Variants in DPYSL5 observed in about 807,000 individuals in gnomAD.
DPYSL5 encodes the protein dihydropyrimidinase like 5.
A neutral mutation model predicts 58.4 loss-of-function variants in DPYSL5; 9 were observed. The observed-to-expected ratio is 0.15, with a 90% confidence interval of 0.09 to 0.27. The LOEUF (loss-of-function observed/expected upper bound fraction) is 0.27, where lower values mean the gene tolerates loss of function less well. Ranked by LOEUF, DPYSL5 falls within the 10% of genes least tolerant of loss-of-function variation. The pLI, the probability that DPYSL5 is intolerant of heterozygous loss-of-function variation, is 1.00. For missense variants in DPYSL5, 499 were observed against 770.6 expected, an observed-to-expected ratio of 0.65 and a Z score of 4.17; for synonymous variants, 293 against 301.9, an observed-to-expected ratio of 0.97 and a Z score of 0.31.
At position 26,944,582 on chromosome 2, in the gene DPYSL5, G is replaced by A. The variant is rs1463685441; in HGVS notation, c.1441-74G>A. 2.7e-6 allele frequency: 4 copies of A among 1,504,530 alleles called. No individual in the cohort carries two copies. The East Asian group carries it at 9.1e-5, about 34-fold the overall frequency. The allele number at this position is 1,504,530 out of a possible 1,614,324, so 93.2% of individuals were successfully genotyped here. A position where few individuals can be genotyped will look rare whatever the true frequency, so the allele number is the denominator to read the frequency against. ...GTGTCTAATGTCCCACCGGCCCCCA[G>A]GGAGGCCATGGTTGTATCACTCAGC... On this transcript the variant is annotated intron_variant, in intron 11 of 12. Coordinates refer to ENST00000288699, the MANE Select transcript of DPYSL5 (RefSeq NM_020134.4). This position sits in a 1 kb window ranked among gnomAD's most constrained non-coding sequence, Gnocchi z 4.4.
chr2:26,881,209 C>T (rs1663553451), intron 1 of DPYSL5, among the ~76,000 whole-genome samples: 1 of 152,164 alleles, frequency 6.6e-6, no homozygotes. Context: ...GTGCCCGTCT[C>T]ATCCTCACTC....
At chr2:26,931,423 C>G (rs1285313051) in intron 5 of DPYSL5, among the ~76,000 whole-genome samples, 1 of 151,552 alleles carries the variant, frequency 6.6e-6, no homozygotes, top group East Asian at 1.9e-4. Context: ...TTTAATTAAG[C>G]CCCAAGTAGC....
Position 26,931,201 on chromosome 2 carries a change from GTGTATATATATATATATATATATA to G in DPYSL5, c.670-437_670-414del, listed in dbSNP as rs1461943825. Among the ~76,000 whole-genome samples the G allele has an allele frequency of 8.9e-3, 484 of 54,508 alleles. 7 individuals are homozygous for G. Among genetic ancestry groups the G allele is most frequent in the African/African-American group, 0.027 (422 of 15,582 alleles). 35.8% of individuals were successfully genotyped at this position (54,508 alleles called of 152,430 possible). A position where few individuals can be genotyped will look rare whatever the true frequency, so the allele number is the denominator to read the frequency against. On this transcript the variant is annotated intron_variant, in intron 5 of 12. Transcript: ENST00000288699. ...TGTGTGTGTGTGTGTGTGTGTGTGT[GTGTATATATATATATATATATATA>G]TATATGAATTATACAACTCAAATGC...
At chr2:26,946,169 A>T (rs1441862493) in intron 12 of DPYSL5, among the ~76,000 whole-genome samples, 1 of 152,058 alleles carries the variant, frequency 6.6e-6, no homozygotes, top group Admixed American at 6.5e-5. Flanking sequence ...CTGCAGCCAG[A>T]CCCACGAGAG....
In DPYSL5 at chr2:26,939,662, G is replaced by A. The variant is rs555545561; in HGVS notation, c.948-369G>A. 7 of 188,478 alleles carry A rather than the reference G, an allele frequency of 3.7e-5. No homozygotes were observed. The South Asian group carries it at 8.4e-4, about 23-fold the overall frequency. The allele number at this position is 188,478 out of a possible 1,614,324, so 11.7% of individuals were successfully genotyped here. On this transcript the variant is annotated intron_variant, in intron 8 of 12. Coordinates refer to ENST00000288699, the MANE Select transcript of DPYSL5 (RefSeq NM_020134.4). ...TGCTTGTTGCCAGCAGGTTGGGGTT[G>A]GAGAGCTGATGAGAGGGAATTGGTA...
intron 8 of DPYSL5, among the ~76,000 whole-genome samples, chr2:26,935,075 T>C (rs1302099236): frequency 6.6e-6 from 1 of 152,170 alleles, no homozygotes; most frequent in Non-Finnish European, 1.5e-5. Context: ...GTAGGGGTCC[T>C]TTCTGTTTCT....
At chr2:26,904,809 G>A (rs1664248508) in intron 2 of DPYSL5, among the ~76,000 whole-genome samples, 1 of 152,192 alleles carries the variant, frequency 6.6e-6, no homozygotes. Flanking sequence ...AGGCTGAGTG[G>A]GGAGGATCAT....
intron 2 of DPYSL5, among the ~76,000 whole-genome samples, chr2:26,912,011 GC>G (rs1664451696): frequency 6.6e-6 from 1 of 152,252 alleles, no homozygotes; most frequent in African/African-American, 2.4e-5. Context: ...CCGAGCTGGT[GC>G]GTGGCAGCAC....
Position 26,944,545 on chromosome 2 carries a change from G to C in DPYSL5, c.1441-111G>C. 4 of 1,262,272 alleles carry C rather than the reference G, an allele frequency of 3.2e-6. No individual in the cohort carries two copies. The highest frequency in any genetic ancestry group is 3.3e-6 in the Non-Finnish European group (3 of 906,500). 78.2% of individuals were successfully genotyped at this position (1,262,272 alleles called of 1,614,324 possible). ...GTCACTTGCAGTGATTTGGGTCTTG[G>C]GCAGAGTGGCAGTGTCTAATGTCCC... On this transcript the variant is annotated intron_variant, in intron 11 of 12. Transcript: ENST00000288699. This position sits in a 1 kb window ranked among gnomAD's most constrained non-coding sequence, Gnocchi z 4.4.
chr2:26,876,961 C>CTTTTTT (rs10707678), intron 1 of DPYSL5, among the ~76,000 whole-genome samples: 1 of 112,268 alleles, frequency 8.9e-6, no homozygotes. Flanking sequence ...TCCACAGCCA[C>CTTTTTT]TTTTTTTTTT....
intron 1 of DPYSL5, among the ~76,000 whole-genome samples, chr2:26,879,374 A>G (rs1350040130): frequency 1.3e-5 from 2 of 149,522 alleles, no homozygotes; most frequent in Admixed American, 6.8e-5. Flanking sequence ...TAATCCCAGC[A>G]CTTTGGGAGC....
chr2:26,929,289 A>G (rs1054901158), intron 5 of DPYSL5, among the ~76,000 whole-genome samples: 2 of 152,000 alleles, frequency 1.3e-5, no homozygotes, highest in Admixed American at 6.5e-5. Flanking sequence ...CTGTAGTGCA[A>G]TGGCGCAATC....
chr2:26,913,216 C>T (rs765782954), intron 2 of DPYSL5, among the ~76,000 whole-genome samples: 2 of 152,216 alleles, frequency 1.3e-5, no homozygotes, highest in Non-Finnish European at 2.9e-5. Flanking sequence ...CACTGGCTCT[C>T]TATTGATGAG....
chr2:26,888,255 T>TTCTTTCTTTCTG (rs796227927), intron 1 of DPYSL5, among the ~76,000 whole-genome samples: 4,584 of 107,734 alleles, frequency 0.043, 226 homozygotes, highest in African/African-American at 0.086. Flanking sequence ...CTTTCTTTCT[T>TTCTTTCTTTCTG]TCTTTCTTTC....
intron 1 of DPYSL5, among the ~76,000 whole-genome samples, chr2:26,887,381 C>T (rs558226841): frequency 4.1e-4 from 63 of 152,344 alleles, no homozygotes; most frequent in Non-Finnish European, 5.9e-5. Flanking sequence ...GAGTTGTTGG[C>T]AGGGGCAGCC....
intron 6 of DPYSL5, among the ~76,000 whole-genome samples, chr2:26,932,199 G>GA (rs763962759): frequency 8.0e-5 from 6 of 75,312 alleles, no homozygotes; most frequent in Non-Finnish European, 1.5e-4. Context: ...AAGAAAGAAA[G>GA]AAAGAAAGAA....
Position 26,898,655 on chromosome 2 carries a change from T to C in DPYSL5, c.156T>C (p.Asp52=). ...TCCCTGGCGGGGCCAAGGTGATTGA[T>C]GCCACAGGAAAACTGGTGATCCCTG... The part of the protein sequence containing the change: ...LMIPGGAKVI[D]ATGKLVIPGG... The change falls in exon 2 of 13, where the codon GAT becomes GAC. Residue 52 remains aspartate, a synonymous_variant. Coordinates refer to ENST00000288699, the MANE Select transcript of DPYSL5 (RefSeq NM_020134.4). This position sits in a 1 kb window ranked among gnomAD's most constrained non-coding sequence, Gnocchi z 6.1. The C allele has an allele frequency of 1.2e-6, 2 of 1,614,150 alleles. No individual in the cohort carries two copies. Among genetic ancestry groups the C allele is most frequent in the Non-Finnish European group, 1.7e-6 (2 of 1,180,020 alleles).
rs950027491 is a variant in DPYSL5, at chr2:26,881,178, T to A, written c.-4-17318T>A. Reference sequence around the variant, plus strand: ...TGTGCTCACCCTGCGGCCCACCCCATTTCCTCCTCACCTCCCCTCTGTGCC... The same window carrying A: ...TGTGCTCACCCTGCGGCCCACCCCAATTCCTCCTCACCTCCCCTCTGTGCC... On this transcript the variant is annotated intron_variant, in intron 1 of 12. Transcript: ENST00000288699. Among the ~76,000 whole-genome samples, 7 of 151,928 alleles carry A rather than the reference T, an allele frequency of 4.6e-5. No individual in the cohort carries two copies. The South Asian group carries it at 1.5e-3, about 32-fold the overall frequency.
chr2:26,916,758 C>T (rs1029495786), intron 2 of DPYSL5, among the ~76,000 whole-genome samples: 2 of 152,156 alleles, frequency 1.3e-5, no homozygotes, highest in African/African-American at 4.8e-5. Context: ...GCTCTCCATC[C>T]GCATCGAGGA....
Sources: gnomAD v4.1 joint callset for allele counts (sites outside exome capture counted in the v4.1 genomes callset) on GRCh38, gnomAD v4.1.1 for gene constraint, Gnocchi (gnomAD v3.1) non-coding constraint, MANE v1.5 for transcripts, NCBI Gene and HGNC (gene_info 2026-07-23, HGNC 2026-07-21) for gene names.